GYPB: variants seen among roughly 807,000 people sequenced by gnomAD.
The protein encoded by GYPB is glycophorin-B.
In GYPB, 13 loss-of-function variants were observed where a neutral mutation model predicts 15.3. That is an observed-to-expected ratio of 0.85 (90% CI 0.55 to 1.35). The LOEUF (loss-of-function observed/expected upper bound fraction) is 1.35, where lower values mean the gene tolerates loss of function less well. GYPB is among the 40% of genes most tolerant of loss of function. The pLI, the probability that GYPB is intolerant of heterozygous loss-of-function variation, is 0.00. For synonymous variants in GYPB, 38 were observed against 36.9 expected (o/e 1.03, Z -0.11); for missense variants, 131 against 108.3 (o/e 1.21, Z -0.93).
chr4:144,002,802 A>G (rs1199192701), intron 1 of GYPB: 1 of 565,966 alleles, frequency 1.8e-6, no homozygotes, highest in African/African-American at 2.0e-5. Flanking sequence ...ATAGGTAATC[A>G]GTTTACCTCC....
At chr4:143,996,040 A>G (rs1377033845), downstream of GYPB, 3 of 924,434 alleles carry the variant, frequency 3.2e-6, no homozygotes, top group South Asian at 2.1e-5. Context: ...CATCTATCCT[A>G]CTGTAATGGG....
At chr4:144,001,425 G>A in intron 1 of GYPB, 142 bp from the exon 2 acceptor site, 1 of 1,461,442 alleles carries the variant, frequency 6.8e-7, no homozygotes. Flanking sequence ...ATAATCTTTA[G>A]AGAATTGCTG....
rs940931852 is a variant in GYPB at position 143,996,116 on chromosome 4, T to C, written c.*183A>G. 1.8e-5 allele frequency: 25 copies of C among 1,413,240 alleles called. No individual in the cohort carries two copies. The highest frequency in any genetic ancestry group is 2.2e-5 in the Non-Finnish European group (24 of 1,068,172). 87.5% of individuals were successfully genotyped at this position (1,413,240 alleles called of 1,614,324 possible). On this transcript the variant is annotated 3_prime_UTR_variant, in exon 5 of 5. Coordinates refer to ENST00000502664, the MANE Select transcript of GYPB (RefSeq NM_002100.6). Reference sequence around the variant, plus strand: ...TATAATACATGAAAACGGTTTGTATTTTGTTTTATTTTTATTTAGAAGTAG... The same window carrying C: ...TATAATACATGAAAACGGTTTGTATCTTGTTTTATTTTTATTTAGAAGTAG...
At chr4:144,011,631 A>G in intron 1 of GYPB, among the ~76,000 whole-genome samples, 1 of 151,394 alleles carries the variant, frequency 6.6e-6, no homozygotes, top group East Asian at 1.9e-4. Flanking sequence ...GTTTTCTCCA[A>G]TTGTGATAGA....
intron 1 of GYPB, among the ~76,000 whole-genome samples, chr4:144,006,003 A>G (rs1357941850): frequency 6.6e-6 from 1 of 151,608 alleles, no homozygotes; most frequent in African/African-American, 2.4e-5. Context: ...CAGATTGATA[A>G]GAGTTTAATG....
intron 4 of GYPB, 159 bp downstream of exon 4, chr4:143,997,381 C>T: frequency 2.1e-6 from 1 of 466,902 alleles, no homozygotes. Context: ...AAAAAAAATT[C>T]TGCTAGAGAA....
chr4:144,002,940 T>C (rs1316231084), intron 1 of GYPB, among the ~76,000 whole-genome samples: 1 of 151,194 alleles, frequency 6.6e-6, no homozygotes, highest in Non-Finnish European at 1.5e-5. Flanking sequence ...TTATAAACGA[T>C]TGCCATATGA....
intron 2 of GYPB, among the ~76,000 whole-genome samples, chr4:144,000,652 A>T (rs1727577269): frequency 6.6e-6 from 1 of 151,176 alleles, no homozygotes. Flanking sequence ...CTCAGCACCC[A>T]GCTTTGCTTA....
At chr4:144,006,897 G>A (rs1303179207) in intron 1 of GYPB, among the ~76,000 whole-genome samples, 2 of 151,546 alleles carry the variant, frequency 1.3e-5, no homozygotes, top group African/African-American at 4.9e-5. Context: ...TGCCTTTTCT[G>A]CTCAATCTCA....
At chr4:144,018,225 A>G (rs1728607027) in intron 1 of GYPB, among the ~76,000 whole-genome samples, 1 of 151,396 alleles carries the variant, frequency 6.6e-6, no homozygotes, top group African/African-American at 2.5e-5. Flanking sequence ...GAGGACACAT[A>G]AAAATGTGGG....
intron 3 of GYPB, 103 bp downstream of exon 3, chr4:143,999,308 T>G (rs1265999133): frequency 1.0e-5 from 7 of 677,806 alleles, no homozygotes; most frequent in Non-Finnish European, 1.9e-5. Flanking sequence ...TAACAACATA[T>G]GCTCTTCTGT....
At chr4:144,010,940 A>G (rs1316032843) in intron 1 of GYPB, among the ~76,000 whole-genome samples, 2 of 151,614 alleles carry the variant, frequency 1.3e-5, no homozygotes, top group African/African-American at 4.9e-5. Flanking sequence ...CATAGTATAT[A>G]TATCAAAAGA....
intron 1 of GYPB, among the ~76,000 whole-genome samples, chr4:144,017,585 T>A (rs1728571997): frequency 2.0e-5 from 3 of 151,020 alleles, no homozygotes; most frequent in Admixed American, 1.3e-4. Context: ...AAGGCTTTAA[T>A]TCACTATCTG....
chr4:144,010,041 C>T lies in GYPB; in HGVS notation c.38-8758G>A, dbSNP rs557866162. Among the ~76,000 whole-genome samples the T allele has an allele frequency of 4.0e-5, 6 of 151,522 alleles. No individual in the cohort carries two copies. The East Asian group carries it at 1.2e-3, about 29-fold the overall frequency. On this transcript the variant is annotated intron_variant, in intron 1 of 4. Coordinates refer to ENST00000502664, the MANE Select transcript of GYPB (RefSeq NM_002100.6). ...CCCTGTATTAGCATAACTAGAATGT[C>T]TGGATGTGAAACCCAATCATCAGTG...
chr4:143,995,508 G>A (rs1367197107), downstream of GYPB, among the ~76,000 whole-genome samples: 4 of 151,280 alleles, frequency 2.6e-5, no homozygotes, highest in East Asian at 1.9e-4. Flanking sequence ...CAGGTCCTTT[G>A]GTTTAACCTG....
intron 3 of GYPB, among the ~76,000 whole-genome samples, chr4:143,998,611 G>A (rs373725460): frequency 7.1e-6 from 1 of 140,762 alleles, no homozygotes; most frequent in Non-Finnish European, 1.5e-5. Context: ...TCAAGTGAGG[G>A]GAAGGGATGT....
intron 1 of GYPB, among the ~76,000 whole-genome samples, chr4:144,017,302 C>T (rs1169618831): frequency 1.4e-5 from 2 of 145,898 alleles, no homozygotes; most frequent in African/African-American, 5.3e-5. Context: ...CTTAAGATTC[C>T]TGGAGAAAGC....
chr4:143,999,205 G>A, intron 3 of GYPB: 1 of 456,128 alleles, frequency 2.2e-6, no homozygotes, highest in Non-Finnish European at 4.0e-6. Context: ...CACGGCCCCT[G>A]GCCCCCAAAA....
intron 1 of GYPB, among the ~76,000 whole-genome samples, chr4:144,006,608 C>T (rs1727926248): frequency 6.6e-6 from 1 of 152,008 alleles, no homozygotes; most frequent in African/African-American, 2.4e-5. Flanking sequence ...GAGCTCTCAT[C>T]AAGATGTGAT....
Sources: gnomAD v4.1 joint callset for allele counts (sites outside exome capture counted in the v4.1 genomes callset) on GRCh38, gnomAD v4.1.1 for gene constraint, MANE v1.5 for transcripts, NCBI Gene and HGNC (gene_info 2026-07-23, HGNC 2026-07-21) for gene names.